Variants in MTMR7 observed in about 807,000 individuals in gnomAD.
The protein encoded by MTMR7 is myotubularin related protein 7, also known as phosphatidylinositol-3-phosphate phosphatase MTMR7.
A neutral mutation model predicts 81.2 loss-of-function variants in MTMR7; 76 were observed. The observed-to-expected ratio is 0.94, with a 90% CI of 0.78 to 1.13. MTMR7 has a LOEUF of 1.13. Ranked by LOEUF, MTMR7 falls within the 50% of genes most tolerant of loss-of-function variation. The probability of loss-of-function intolerance (pLI) is 0.00; values close to 1 mark genes in which losing one functional copy is unlikely to be tolerated. For missense variants in MTMR7, 1,044 were observed against 820.0 expected (o/e 1.27, Z -3.34); for synonymous variants, 372 against 289.8 (o/e 1.28, Z -2.88).
intron 1 of MTMR7, among the ~76,000 whole-genome samples, chr8:17,387,373 T>C (rs942656479): frequency 1.3e-5 from 2 of 152,138 alleles, no homozygotes; most frequent in African/African-American, 2.4e-5. Flanking sequence ...CAGTTTCAAA[T>C]AGACTCACAA....
chr8:17,304,472 C>T lies in MTMR7; in HGVS notation c.1400G>A (p.Arg467Gln), dbSNP rs553369647. 1.5e-5 allele frequency: 24 copies of T among 1,613,786 alleles called. No individual in the cohort carries two copies. Among genetic ancestry groups the T allele is most frequent in the Non-Finnish European group, 1.9e-5 (23 of 1,179,908 alleles). ...AAACAGAGGATTCAGGTAGTCGGCC[C>T]GATTCTTCCACAGGTGAGCCCATAA... ...YSLWAHLWKN[R>Q]ADYLNPLFRA... The change falls in exon 12 of 14, where the codon CGG becomes CAG. Residue 467 changes from arginine (R) to glutamine (Q), a missense_variant. By Grantham distance (43) the Arg-to-Gln change is conservative (BLOSUM62 1). Coordinates refer to ENST00000180173, the MANE Select transcript of MTMR7 (RefSeq NM_004686.5).
intron 4 of MTMR7, among the ~76,000 whole-genome samples, chr8:17,360,655 T>C (rs906533521): frequency 3.9e-5 from 6 of 152,074 alleles, no homozygotes; most frequent in African/African-American, 1.4e-4. Context: ...CCTGTGAGTG[T>C]AGACATGTTT....
intron 8 of MTMR7, chr8:17,311,908 C>T (rs1164475261): frequency 2.7e-6 from 1 of 364,210 alleles, no homozygotes; most frequent in Non-Finnish European, 5.0e-6. Context: ...AGCATTCGTC[C>T]TATGCAAACG....
At chr8:17,312,036 C>A (rs770870413) in intron 8 of MTMR7, among the ~76,000 whole-genome samples, 7 of 152,072 alleles carry the variant, frequency 4.6e-5, no homozygotes, top group Non-Finnish European at 7.4e-5. Flanking sequence ...TTATAAATTA[C>A]AGACCTATGA....
intron 1 of MTMR7, among the ~76,000 whole-genome samples, chr8:17,397,597 C>T (rs957799167): frequency 6.6e-6 from 1 of 152,162 alleles, no homozygotes; most frequent in Non-Finnish European, 1.5e-5. Flanking sequence ...TGACTCCAAT[C>T]CTTGGCTCCC....
chr8:17,331,728 C>T (rs877428), intron 6 of MTMR7, among the ~76,000 whole-genome samples: 17,352 of 152,138 alleles, frequency 0.11, 1,293 homozygotes, highest in East Asian at 0.32. Context: ...CCAATAAACA[C>T]GTTATCAAAT....
chr8:17,313,270 T>G, intron 8 of MTMR7, 22 bp downstream of exon 8: 2 of 1,566,046 alleles, frequency 1.3e-6, no homozygotes, highest in Non-Finnish European at 1.8e-6. Context: ...TCCCTTAATT[T>G]ATTTTCTCTG....
chr8:17,410,210 A>G (rs988334385), intron 1 of MTMR7, among the ~76,000 whole-genome samples: 1 of 152,178 alleles, frequency 6.6e-6, no homozygotes, highest in Non-Finnish European at 1.5e-5. Flanking sequence ...AAGAGAAGAC[A>G]TTTGCAAGGT....
At chr8:17,345,113 G>A (rs1266941256) in intron 5 of MTMR7, among the ~76,000 whole-genome samples, 2 of 152,180 alleles carry the variant, frequency 1.3e-5, no homozygotes, top group Non-Finnish European at 2.9e-5. Flanking sequence ...TTCAAAGGGA[G>A]CCCACGTGGC....
chr8:17,371,321 A>C, intron 2 of MTMR7, 122 bp from the exon 3 acceptor site: 3 of 1,086,016 alleles, frequency 2.8e-6, no homozygotes, highest in Non-Finnish European at 4.0e-6. Flanking sequence ...AGCTAGCTCA[A>C]CCCTTGCGTT....
intron 9 of MTMR7, among the ~76,000 whole-genome samples, chr8:17,309,835 G>C (rs564460902): frequency 6.6e-6 from 1 of 152,140 alleles, no homozygotes; most frequent in South Asian, 2.1e-4. Context: ...GTTTTTCAGT[G>C]ATCTTTTCTA....
At chr8:17,316,152 T>C (rs1818056149) in intron 7 of MTMR7, among the ~76,000 whole-genome samples, 1 of 152,240 alleles carries the variant, frequency 6.6e-6, no homozygotes, top group Non-Finnish European at 1.5e-5. Flanking sequence ...GGCAGATTAC[T>C]TAGCCTCTCT....
intron 7 of MTMR7, among the ~76,000 whole-genome samples, chr8:17,329,199 A>G (rs1369248956): frequency 6.6e-6 from 1 of 152,190 alleles, no homozygotes; most frequent in Non-Finnish European, 1.5e-5. Context: ...TTTGATGCCA[A>G]GGATAGCTGT....
At chr8:17,396,744 T>C (rs1821265061) in intron 1 of MTMR7, among the ~76,000 whole-genome samples, 1 of 151,922 alleles carries the variant, frequency 6.6e-6, no homozygotes, top group African/African-American at 2.4e-5. Flanking sequence ...AGACACAAGC[T>C]GGGGTGGCTA....
chr8:17,366,749 G>A (rs1332112977), intron 3 of MTMR7, among the ~76,000 whole-genome samples: 3 of 152,118 alleles, frequency 2.0e-5, no homozygotes, highest in South Asian at 4.2e-4. Context: ...AACCGGGCGT[G>A]GTGGCGGGTG....
intron 7 of MTMR7, among the ~76,000 whole-genome samples, chr8:17,325,635 T>G (rs1818643848): frequency 6.6e-6 from 1 of 152,210 alleles, no homozygotes; most frequent in Non-Finnish European, 1.5e-5. Context: ...CCTGCTCCAC[T>G]GTCAGGCTAA....
chr8:17,301,015 TTCA>T (rs555968139), intron 13 of MTMR7, among the ~76,000 whole-genome samples: 16 of 152,222 alleles, frequency 1.1e-4, no homozygotes, highest in Non-Finnish European at 2.2e-4. Flanking sequence ...TGTTTCCCCA[TTCA>T]TCATGTTATG....
At chr8:17,337,836 G>T (rs933676325) in intron 6 of MTMR7, among the ~76,000 whole-genome samples, 3 of 152,102 alleles carry the variant, frequency 2.0e-5, no homozygotes, top group Admixed American at 6.5e-5. Flanking sequence ...CCAGGCTGGT[G>T]TCTCCCAAAA....
rs181581996 is a variant in MTMR7, at chr8:17,401,308, G to A, written c.24+11961C>T. On this transcript the variant is annotated intron_variant, in intron 1 of 13. Coordinates refer to ENST00000180173, the MANE Select transcript of MTMR7 (RefSeq NM_004686.5). ...CAAACCATCTGCACATCTAAGGAAA[G>A]CAAGTTCCAGGCACAGGAAACATCT... Among the ~76,000 whole-genome samples the A allele has an allele frequency of 3.3e-3, 495 of 152,218 alleles. 4 individuals carry two copies. The highest frequency in any genetic ancestry group is 0.011 in the African/African-American group (474 of 41,530).
Sources: gnomAD v4.1 joint callset for allele counts (sites outside exome capture counted in the v4.1 genomes callset) on GRCh38, gnomAD v4.1.1 for gene constraint, MANE v1.5 for transcripts, NCBI Gene and HGNC (gene_info 2026-07-23, HGNC 2026-07-21) for gene names.